The following CHIC2 variants were observed in gnomAD, a reference collection of about 807,000 sequenced individuals.
The protein encoded by CHIC2 is cysteine rich hydrophobic domain 2.
In CHIC2, 14 loss-of-function variants were observed where a neutral mutation model predicts 25.9. The observed-to-expected ratio is 0.54, with a 90% CI of 0.36 to 0.85. CHIC2 has a LOEUF of 0.85. Among genes scored for constraint, CHIC2 ranks in the 40% least tolerant of loss-of-function variants. The pLI, the probability that CHIC2 is intolerant of heterozygous loss-of-function variation, is 0.01. For missense variants in CHIC2, 146 were observed against 202.0 expected (o/e 0.72, Z 1.68); for synonymous variants, 70 against 72.0 (o/e 0.97, Z 0.14).
intron 3 of CHIC2, among the ~76,000 whole-genome samples, chr4:54,022,318 T>C (rs1426595289): frequency 6.6e-6 from 1 of 152,068 alleles, no homozygotes; most frequent in African/African-American, 2.4e-5. Context: ...TCCTGGACCA[T>C]CACAGACGCT....
rs1020118795 is a variant in CHIC2, at chr4:54,014,081, G to A, written c.369C>T (p.Asn123=). Reference sequence around the variant, plus strand: ...TACTCACCTTGTGGTATAACCTATTGTTTTCCCATTCTAATAACTTCTCAA... The same window carrying A: ...TACTCACCTTGTGGTATAACCTATTATTTTCCCATTCTAATAACTTCTCAA... ...RSIEKLLEWE[N]NRLYHKLCLH... Residue 123 remains asparagine (N), a synonymous_variant, in exon 4 of 6, where the codon AAC becomes AAT. Coordinates refer to ENST00000263921, the MANE Select transcript of CHIC2 (RefSeq NM_012110.4). 1 of 1,613,336 alleles carries A rather than the reference G, an allele frequency of 6.2e-7. No homozygotes were observed. Among genetic ancestry groups the A allele is most frequent in the Non-Finnish European group, 8.5e-7 (1 of 1,179,544 alleles).
intron 1 of CHIC2, among the ~76,000 whole-genome samples, chr4:54,052,191 CTTATT>C (rs925909653): frequency 3.3e-5 from 5 of 152,022 alleles, no homozygotes; most frequent in African/African-American, 1.2e-4. Flanking sequence ...GCAAGACGGT[CTTATT>C]TTATTAAATG....
intron 3 of CHIC2, among the ~76,000 whole-genome samples, chr4:54,046,206 G>C (rs1160630821): frequency 6.6e-6 from 1 of 152,168 alleles, no homozygotes; most frequent in Non-Finnish European, 1.5e-5. Flanking sequence ...AATCAATATT[G>C]TGAAAATGGA....
chr4:54,091,608 T>C, the CHIC2 span, among the ~76,000 whole-genome samples: 211 of 152,188 alleles, frequency 1.4e-3, no homozygotes, highest in Non-Finnish European at 2.5e-3. Context: ...GGGTGATGGG[T>C]GCACCAAAAT....
upstream of CHIC2, among the ~76,000 whole-genome samples, chr4:54,067,405 C>T (rs1032700944): frequency 1.3e-4 from 19 of 151,862 alleles, no homozygotes; most frequent in Admixed American, 1.1e-3. Context: ...AAGGGGTGAG[C>T]GAACATGAGT....
chr4:54,027,992 A>G (rs573285980), intron 3 of CHIC2, among the ~76,000 whole-genome samples: 18 of 152,320 alleles, frequency 1.2e-4, no homozygotes, highest in African/African-American at 4.3e-4. Flanking sequence ...AATCTGCTTA[A>G]AATGTATATT....
At chr4:54,031,268 G>A (rs1716219999) in intron 3 of CHIC2, among the ~76,000 whole-genome samples, 1 of 151,314 alleles carries the variant, frequency 6.6e-6, no homozygotes, top group African/African-American at 2.4e-5. Flanking sequence ...CCTTTATACT[G>A]TATCACACTG....
intron 1 of CHIC2, among the ~76,000 whole-genome samples, chr4:54,057,113 C>G (rs564235302): frequency 9.2e-5 from 14 of 152,118 alleles, no homozygotes; most frequent in Non-Finnish European, 1.5e-4. Flanking sequence ...AACATAAGAA[C>G]TGAGGAATTA....
At chr4:54,080,966 AT>A in the CHIC2 span, among the ~76,000 whole-genome samples, 2 of 137,516 alleles carry the variant, frequency 1.5e-5, no homozygotes, top group African/African-American at 5.8e-5. Context: ...ATATATATAT[AT>A]ATATATATAT....
chr4:54,072,743 G>C, the CHIC2 span, among the ~76,000 whole-genome samples: 1 of 152,154 alleles, frequency 6.6e-6, no homozygotes, highest in Admixed American at 6.5e-5. Flanking sequence ...CACAAAACAA[G>C]TCTACTTCTT....
rs1355897304 is a variant in CHIC2, at chr4:54,013,817, A to T, written c.447+20T>A. On this transcript the variant is annotated intron_variant, in intron 5 of 5. Coordinates refer to ENST00000263921, the MANE Select transcript of CHIC2 (RefSeq NM_012110.4). ...ATGATCATTTAATAGAGAAACTCACAAAACAGCCCTTTAACTTACATATTC... is the reference window on the plus strand; with the variant it reads ...ATGATCATTTAATAGAGAAACTCACTAAACAGCCCTTTAACTTACATATTC... The T allele has an allele frequency of 6.2e-7, 1 of 1,610,412 alleles. No individual in the cohort carries two copies. The highest frequency in any genetic ancestry group is 2.2e-5 in the East Asian group (1 of 44,860).
intron 3 of CHIC2, among the ~76,000 whole-genome samples, chr4:54,045,418 A>G (rs1268693417): frequency 2.0e-5 from 3 of 152,194 alleles, no homozygotes; most frequent in Non-Finnish European, 2.9e-5. Flanking sequence ...CTGGCAAACC[A>G]AATCCAGCAA....
intron 5 of CHIC2, 76 bp from the exon 6 acceptor site, chr4:54,010,221 C>T (rs1335994888): frequency 9.6e-7 from 1 of 1,043,582 alleles, no homozygotes; most frequent in Non-Finnish European, 1.4e-6. Context: ...TATGCTTTCA[C>T]AATTTTTTTG....
chr4:54,044,657 G>C (rs1049507262), intron 3 of CHIC2, among the ~76,000 whole-genome samples: 4 of 152,012 alleles, frequency 2.6e-5, no homozygotes, highest in Admixed American at 2.0e-4. Context: ...AGTGTGTAGA[G>C]GGAAATTTAT....
At chr4:54,088,355 T>C in the CHIC2 span, among the ~76,000 whole-genome samples, 3 of 152,298 alleles carry the variant, frequency 2.0e-5, no homozygotes, top group South Asian at 6.2e-4. Flanking sequence ...AGGCAATGCA[T>C]TATTGTGTAA....
At chr4:54,017,816 T>TA (rs1316840006) in intron 3 of CHIC2, among the ~76,000 whole-genome samples, 2 of 151,616 alleles carry the variant, frequency 1.3e-5, no homozygotes, top group South Asian at 2.1e-4. Flanking sequence ...CCTTTTTCTT[T>TA]AAAAAAACAA....
intron 3 of CHIC2, among the ~76,000 whole-genome samples, chr4:54,026,010 T>C (rs1716047631): frequency 6.6e-6 from 1 of 152,118 alleles, no homozygotes; most frequent in Admixed American, 6.5e-5. Context: ...CCATGTTGTG[T>C]CTTGCTTTTA....
upstream of CHIC2, chr4:54,064,777 C>G: frequency 2.2e-6 from 1 of 447,274 alleles, no homozygotes. The surrounding 1 kb of genome is among the most constrained non-coding windows in gnomAD (Gnocchi z 4.2). Flanking sequence ...CACCGTCTTT[C>G]CTCTGCTTCT....
At chr4:54,077,159 G>T in the CHIC2 span, among the ~76,000 whole-genome samples, 3 of 152,118 alleles carry the variant, frequency 2.0e-5, no homozygotes, top group Non-Finnish European at 4.4e-5. Context: ...TAATCAGGAT[G>T]GACAAAATTC....
Sources: allele counts gnomAD v4.1 joint callset (sites outside exome capture counted in the v4.1 genomes callset), GRCh38; gene constraint gnomAD v4.1.1; non-coding constraint Gnocchi (gnomAD v3.1); transcripts MANE v1.5; gene names NCBI Gene and HGNC (gene_info 2026-07-23, HGNC 2026-07-21).